USP13: variants seen among roughly 807,000 people sequenced by gnomAD.
USP13 encodes ubiquitin specific peptidase 13, also known as ubiquitin carboxyl-terminal hydrolase 13.
Under a neutral mutation model 107.8 loss-of-function variants are expected in USP13, and 68 were observed. The ratio of observed to expected loss-of-function variants is 0.63; its 90% CI spans 0.52 to 0.77. The LOEUF (loss-of-function observed/expected upper bound fraction) is 0.77. Among genes scored for constraint, USP13 ranks in the 30% least tolerant of loss-of-function variants. The pLI is 0.00. For synonymous variants in USP13, 377 were observed against 389.5 expected (o/e 0.97, Z 0.38); for missense variants, 945 against 1,093.3 (o/e 0.86, Z 1.91).
intron 10 of USP13, among the ~76,000 whole-genome samples, chr3:179,734,458 T>C (rs1357991388): frequency 1.3e-5 from 2 of 152,276 alleles, no homozygotes; most frequent in African/African-American, 4.8e-5. Context: ...GCTGCATTTC[T>C]TAAGCGACAA....
At chr3:179,780,717 A>G (rs1341010525) in intron 19 of USP13, among the ~76,000 whole-genome samples, 1 of 152,190 alleles carries the variant, frequency 6.6e-6, no homozygotes, top group Non-Finnish European at 1.5e-5. Flanking sequence ...GATGAGGACT[A>G]GGGATTGACA....
intron 19 of USP13, among the ~76,000 whole-genome samples, chr3:179,777,443 C>CTTTTTTTTTTTTTTTTTTT (rs11317182): frequency 6.2e-5 from 7 of 113,696 alleles, no homozygotes; most frequent in Non-Finnish European, 7.0e-5. Context: ...CTCTCTCTCT[C>CTTTTTTTTTTTTTTTTTTT]TTTTTTTTTT....
chr3:179,728,543 G>A (rs1231259373), intron 8 of USP13, among the ~76,000 whole-genome samples: 1 of 151,170 alleles, frequency 6.6e-6, no homozygotes, highest in African/African-American at 2.4e-5. Flanking sequence ...GACGATGGGC[G>A]GCCAGGCAGA....
chr3:179,763,796 G>C (rs1313229037), intron 17 of USP13, among the ~76,000 whole-genome samples: 6 of 152,180 alleles, frequency 3.9e-5, no homozygotes, highest in Non-Finnish European at 8.8e-5. Flanking sequence ...ATGTTGGCCA[G>C]GCTGGCCACG....
At chr3:179,754,879 T>A in intron 15 of USP13, 25 bp downstream of exon 15, 1 of 1,600,170 alleles carries the variant, frequency 6.2e-7, no homozygotes, top group Non-Finnish European at 8.5e-7. Flanking sequence ...CAGGAGAATA[T>A]GCGCTACCCT....
At chr3:179,705,472 T>G (rs565943338) in intron 4 of USP13, among the ~76,000 whole-genome samples, 17 of 152,308 alleles carry the variant, frequency 1.1e-4, no homozygotes, top group African/African-American at 4.1e-4. Context: ...TAATCTACTT[T>G]CTAGCTCTAT....
At chr3:179,751,928 A>T (rs751656342) in intron 13 of USP13, among the ~76,000 whole-genome samples, 7 of 152,094 alleles carry the variant, frequency 4.6e-5, no homozygotes, top group Non-Finnish European at 7.4e-5. Context: ...TTTTTAGTAG[A>T]GACGGGGTTT....
chr3:179,743,709 T>C (rs1394202283), intron 12 of USP13, among the ~76,000 whole-genome samples: 1 of 152,150 alleles, frequency 6.6e-6, no homozygotes, highest in Non-Finnish European at 1.5e-5. Flanking sequence ...TTTAACTCTG[T>C]TTATCATTTA....
At chr3:179,692,876 C>T (rs1212494439) in intron 3 of USP13, among the ~76,000 whole-genome samples, 1 of 152,096 alleles carries the variant, frequency 6.6e-6, no homozygotes, top group African/African-American at 2.4e-5. Flanking sequence ...TTTTGTGCTT[C>T]AAACTGTGTG....
intron 13 of USP13, among the ~76,000 whole-genome samples, chr3:179,749,037 ATT>A (rs760609566): frequency 2.6e-5 from 4 of 152,172 alleles, no homozygotes; most frequent in African/African-American, 4.8e-5. Context: ...TGATGATATA[ATT>A]TGAGTGTGGT....
Position 179,681,947 on chromosome 3 carries a change from C to T in USP13, c.238C>T (p.His80Tyr), listed in dbSNP as rs774266692. Residue 80 changes from histidine to tyrosine, a missense_variant, in exon 2 of 21, where the codon CAT (histidine) becomes TAT (tyrosine). Transcript: ENST00000263966. The part of the protein sequence containing the change: ...LAFGREHVER[H>Y]FRKTGQSVYM... Reference sequence around the variant, plus strand: ...CTTTGGAAGGGAACATGTTGAAAGACATTTTCGAAAAACTGGACAGAGTGT... The same window carrying T: ...CTTTGGAAGGGAACATGTTGAAAGATATTTTCGAAAAACTGGACAGAGTGT... The T allele has an allele frequency of 1.2e-6, 2 of 1,613,956 alleles. No individual in the cohort carries two copies. The highest frequency in any genetic ancestry group is 1.7e-6 in the Non-Finnish European group (2 of 1,179,920).
At chr3:179,699,587 C>T (rs957387104) in intron 3 of USP13, among the ~76,000 whole-genome samples, 3 of 151,358 alleles carry the variant, frequency 2.0e-5, no homozygotes, top group African/African-American at 4.9e-5. Context: ...GCAGTCCTAG[C>T]TTCTCAGGAG....
intron 1 of USP13, among the ~76,000 whole-genome samples, chr3:179,668,713 C>T (rs138393925): frequency 2.0e-5 from 3 of 152,294 alleles, no homozygotes; most frequent in East Asian, 1.9e-4. Flanking sequence ...TGAGCCACTG[C>T]GCCCAGTCCT....
rs1311456994 is a variant in USP13 at position 179,786,275 on chromosome 3, T to C, written c.*2134T>C. 6.6e-6 allele frequency: 1 copy of C among 152,204 alleles called. No homozygotes were observed. The highest frequency in any genetic ancestry group is 1.5e-5 in the Non-Finnish European group (1 of 68,026). 9.4% of individuals were successfully genotyped at this position (152,204 alleles called of 1,614,324 possible). A position where few individuals can be genotyped will look rare whatever the true frequency, so the allele number is the denominator to read the frequency against. On this transcript the variant is annotated 3_prime_UTR_variant, in exon 21 of 21. Transcript: ENST00000263966. Reference sequence around the variant, plus strand: ...GTCAAAAATGGCTTGTTTTCAGCGATGTTATAAAACAAAGGCCTGTTTTTT... The same window carrying C: ...GTCAAAAATGGCTTGTTTTCAGCGACGTTATAAAACAAAGGCCTGTTTTTT...
At chr3:179,728,210 C>G (rs1241571662) in intron 8 of USP13, among the ~76,000 whole-genome samples, 1 of 147,420 alleles carries the variant, frequency 6.8e-6, no homozygotes, top group Admixed American at 6.7e-5. Context: ...CTGACCCCCC[C>G]ACCTCCCTGC....
At chr3:179,737,163 C>T (rs1291334743) in intron 10 of USP13, among the ~76,000 whole-genome samples, 1 of 152,070 alleles carries the variant, frequency 6.6e-6, no homozygotes, top group African/African-American at 2.4e-5. Flanking sequence ...ACTCAGGGAC[C>T]TCAGAAATGA....
At chr3:179,664,559 A>G (rs150267625) in intron 1 of USP13, among the ~76,000 whole-genome samples, 2 of 152,308 alleles carry the variant, frequency 1.3e-5, no homozygotes, top group African/African-American at 4.8e-5. Flanking sequence ...AGATGACAAG[A>G]GGACTGGGAT....
intron 8 of USP13, among the ~76,000 whole-genome samples, chr3:179,728,051 G>A (rs1422760583): frequency 7.2e-5 from 5 of 69,416 alleles, no homozygotes; most frequent in Admixed American, 1.7e-4. Context: ...CTCCCGGACG[G>A]GGCGGCTGGC....
At chr3:179,780,900 A>G (rs1364157890) in intron 19 of USP13, among the ~76,000 whole-genome samples, 1 of 151,988 alleles carries the variant, frequency 6.6e-6, no homozygotes, top group Non-Finnish European at 1.5e-5. Flanking sequence ...AATTCAACAG[A>G]CATACATTTT....
Sources: gnomAD v4.1 joint callset for allele counts (sites outside exome capture counted in the v4.1 genomes callset) on GRCh38, gnomAD v4.1.1 for gene constraint, MANE v1.5 for transcripts, NCBI Gene and HGNC (gene_info 2026-07-23, HGNC 2026-07-21) for gene names.